The following SLC14A2 variants were observed in gnomAD, a reference collection of about 807,000 sequenced individuals.
SLC14A2 encodes urea transporter 2.
In SLC14A2, 91 loss-of-function variants were observed where a neutral mutation model predicts 104.6. The ratio of observed to expected loss-of-function variants is 0.87; its 90% CI spans 0.73 to 1.04. The LOEUF (loss-of-function observed/expected upper bound fraction) is 1.04, where lower values mean the gene tolerates loss of function less well. Ranked by LOEUF, SLC14A2 falls within the 50% of genes least tolerant of loss-of-function variation. SLC14A2 has a pLI of 0.00. For missense variants in SLC14A2, 1,189 were observed against 1,156.0 expected, an observed-to-expected ratio of 1.03 and a Z score of -0.41; for synonymous variants, 476 against 466.4, an observed-to-expected ratio of 1.02 and a Z score of -0.27.
At chr18:45,314,460 G>A (rs1430646967) in intron 1 of SLC14A2, among the ~76,000 whole-genome samples, 2 of 152,184 alleles carry the variant, frequency 1.3e-5, no homozygotes, top group East Asian at 1.9e-4. Context: ...TCTGAGGTTT[G>A]TAAAGCACTG....
chr18:45,407,746 A>G (rs1378266912), intron 1 of SLC14A2, among the ~76,000 whole-genome samples: 1 of 152,174 alleles, frequency 6.6e-6, no homozygotes, highest in African/African-American at 2.4e-5. Flanking sequence ...GGGATTAAGG[A>G]GGCCAAGGAG....
rs566603090 is a variant in SLC14A2 at position 45,414,472 on chromosome 18, T to C, written c.-124-68761T>C. Among the ~76,000 whole-genome samples the C allele has an allele frequency of 5.6e-4, 85 of 152,178 alleles. No homozygotes were observed. In the Middle Eastern group the frequency reaches 0.014, roughly 24 times the overall value. ...GGGAGAAAAGTCCTTCTTCCCTCTCTCATCAGTCTCTTCTCTCTTCCTACC... is the reference window on the plus strand; with the variant it reads ...GGGAGAAAAGTCCTTCTTCCCTCTCCCATCAGTCTCTTCTCTCTTCCTACC... On this transcript the variant is annotated intron_variant, in intron 1 of 20. Coordinates refer to the SLC14A2 transcript ENST00000586448.
At chr18:45,539,913 A>T (rs2043859551) in intron 2 of SLC14A2, among the ~76,000 whole-genome samples, 1 of 144,790 alleles carries the variant, frequency 6.9e-6, no homozygotes. Context: ...AAAAAATTTA[A>T]AAAAAACAGT....
chr18:45,413,015 T>G (rs1428571393), intron 1 of SLC14A2, among the ~76,000 whole-genome samples: 1 of 152,208 alleles, frequency 6.6e-6, no homozygotes, highest in Non-Finnish European at 1.5e-5. Context: ...AGAAACCATC[T>G]TAAGGTTGTC....
chr18:45,271,666 A>G (rs2030018232), intron 1 of SLC14A2, among the ~76,000 whole-genome samples: 1 of 152,172 alleles, frequency 6.6e-6, no homozygotes, highest in Admixed American at 6.5e-5. Flanking sequence ...CAAAAAATGG[A>G]GAAATATTCT....
intron 1 of SLC14A2, among the ~76,000 whole-genome samples, chr18:45,428,323 C>T (rs994052009): frequency 5.3e-5 from 8 of 152,192 alleles, no homozygotes; most frequent in East Asian, 1.9e-4. Flanking sequence ...CTTTCAAGGG[C>T]ATGGTGTCAC....
At chr18:45,356,943 C>G (rs2085560254) in intron 1 of SLC14A2, among the ~76,000 whole-genome samples, 1 of 152,168 alleles carries the variant, frequency 6.6e-6, no homozygotes, top group South Asian at 2.1e-4. Context: ...TTAGCTGGAC[C>G]ACCACGGGGG....
chr18:45,199,877 A>G, the SLC14A2 span, among the ~76,000 whole-genome samples: 23 of 152,114 alleles, frequency 1.5e-4, no homozygotes, highest in Non-Finnish European at 2.5e-4. Context: ...TTTTGGAAAA[A>G]CCATGTTCCT....
chr18:45,554,954 C>G (rs2044111327), intron 2 of SLC14A2, among the ~76,000 whole-genome samples: 1 of 152,228 alleles, frequency 6.6e-6, no homozygotes, highest in Admixed American at 6.5e-5. Context: ...CAAAATTCTA[C>G]CACTCAGTCC....
chr18:45,436,420 A>G (rs1371686577), intron 1 of SLC14A2, among the ~76,000 whole-genome samples: 1 of 152,216 alleles, frequency 6.6e-6, no homozygotes, highest in African/African-American at 2.4e-5. Flanking sequence ...AGAGCTGGAA[A>G]GGAGGGAATT....
chr18:45,278,797 A>G (rs1031903218), intron 1 of SLC14A2, among the ~76,000 whole-genome samples: 2 of 152,194 alleles, frequency 1.3e-5, no homozygotes, highest in South Asian at 4.1e-4. Flanking sequence ...CGTGTTGTTC[A>G]AGGGTAAGCT....
chr18:45,625,801 G>A lies in SLC14A2; in HGVS notation c.269G>A (p.Cys90Tyr). Residue 90 changes from cysteine (C) to tyrosine (Y), a missense_variant, in exon 3 of 20, where the codon TGC becomes TAC. By Grantham distance (194) the Cys-to-Tyr change is radical. Transcript: ENST00000255226. ...HRDSAGQRCI[C>Y]LSKAVGYLTG... The stretch of plus-strand genomic sequence containing the variant: ...GACTCAGCAGGCCAAAGGTGCATCT[G>A]CCTCTCCAAAGCAGTGGGCTACCTC... 6.5e-7 allele frequency: 1 copy of A among 1,542,524 alleles called. No individual in the cohort carries two copies.
At chr18:45,629,093 G>A (rs763870435) in intron 4 of SLC14A2, among the ~76,000 whole-genome samples, 5 of 152,336 alleles carry the variant, frequency 3.3e-5, no homozygotes, top group Admixed American at 2.6e-4. Flanking sequence ...CATGGCACCT[G>A]TGAGGACAAC....
intron 1 of SLC14A2, among the ~76,000 whole-genome samples, chr18:45,280,260 G>T (rs546602013): frequency 1.3e-5 from 2 of 152,104 alleles, no homozygotes; most frequent in Non-Finnish European, 2.9e-5. Context: ...CCGCTGATGT[G>T]CACAACAGGA....
At chr18:45,530,299 T>A (rs1019085486) in intron 2 of SLC14A2, among the ~76,000 whole-genome samples, 3 of 152,164 alleles carry the variant, frequency 2.0e-5, no homozygotes, top group Non-Finnish European at 2.9e-5. Context: ...CTGACAGAGA[T>A]TATTTCCTCC....
intron 18 of SLC14A2, among the ~76,000 whole-genome samples, chr18:45,675,785 C>A (rs545220914): frequency 5.7e-4 from 84 of 146,208 alleles, no homozygotes; most frequent in Admixed American, 2.4e-3. Flanking sequence ...AAGTGATCTG[C>A]CCACTCAGCC....
Position 45,672,816 on chromosome 18 carries a change from G to A in SLC14A2, c.2230-84G>A, listed in dbSNP as rs936618987. 4 of 1,262,166 alleles carry A rather than the reference G, an allele frequency of 3.2e-6. No individual in the cohort carries two copies. In the African/African-American group the frequency reaches 4.5e-5, roughly 14 times the overall value. The allele number at this position is 1,262,166 out of a possible 1,614,324, so 78.2% of individuals were successfully genotyped here. ...TCCATTGCAAAATGTTAGTGGGAAG[G>A]GTTCAGTGCCAAGTCTCTTGCAGCC... On this transcript the variant is annotated intron_variant, in intron 16 of 19. Coordinates refer to ENST00000255226, the MANE Select transcript of SLC14A2 (RefSeq NM_007163.4).
chr18:45,598,135 C>T (rs747847123), intron 2 of SLC14A2, among the ~76,000 whole-genome samples: 1 of 152,148 alleles, frequency 6.6e-6, no homozygotes, highest in Non-Finnish European at 1.5e-5. Context: ...TGTAGAGACC[C>T]GAGGCCCAAT....
intron 2 of SLC14A2, among the ~76,000 whole-genome samples, chr18:45,484,135 T>A (rs999965369): frequency 2.6e-5 from 4 of 152,160 alleles, no homozygotes; most frequent in African/African-American, 9.7e-5. Flanking sequence ...ACCTGCCAAT[T>A]GTCTGTGTTT....
Sources: allele counts gnomAD v4.1 joint callset (sites outside exome capture counted in the v4.1 genomes callset), GRCh38; gene constraint gnomAD v4.1.1; transcripts MANE v1.5; gene names NCBI Gene and HGNC (gene_info 2026-07-23, HGNC 2026-07-21).